Variants in C10orf67 observed in about 807,000 individuals in gnomAD.
C10orf67 encodes uncharacterized protein C10orf67, mitochondrial.
Under a neutral mutation model 35.6 loss-of-function variants are expected in C10orf67, and 60 were observed. That is an observed-to-expected ratio of 1.68 (90% confidence interval 1.37 to 2.09). The LOEUF (loss-of-function observed/expected upper bound fraction) is 2.09, where lower values mean the gene tolerates loss of function less well. C10orf67 is among the 30% of genes most tolerant of loss of function. The probability of loss-of-function intolerance (pLI) is 0.00; values close to 1 mark genes in which losing one functional copy is unlikely to be tolerated. For missense variants in C10orf67, 474 were observed against 330.2 expected (o/e 1.44, Z -3.38); for synonymous variants, 167 against 115.8 (o/e 1.44, Z -2.84).
At chr10:23,204,519 A>C (rs1300372991) in intron 15 of C10orf67, among the ~76,000 whole-genome samples, 1 of 152,208 alleles carries the variant, frequency 6.6e-6, no homozygotes, top group Non-Finnish European at 1.5e-5. Context: ...CGGCAGCCCC[A>C]GGCTGCAGGA....
At position 23,289,947 on chromosome 10, in the gene C10orf67, T is replaced by C. The variant is rs568576543; in HGVS notation, c.862A>G (p.Ile288Val). 4.2e-6 allele frequency: 3 copies of C among 717,042 alleles called. No individual in the cohort carries two copies. The highest frequency in any genetic ancestry group is 7.8e-6 in the Non-Finnish European group (3 of 384,962). The allele number at this position is 717,042 out of a possible 1,614,324, so 44.4% of individuals were successfully genotyped here. ...KENSGLEDEL[I>V]SMKEMAEKDH... ...TTTTCTGCCATCTCTTTCATACTTA[T>C]AAGTTCATCTTCTGTAAACAAAAGG... The change falls in exon 7 of 16, where the codon ATA becomes GTA. Residue 288 changes from isoleucine (I) to valine (V), a missense_variant. Coordinates refer to ENST00000636213, the MANE Select transcript of C10orf67 (RefSeq NM_001371909.1).
At chr10:23,293,955 C>T (rs1305466871) in intron 5 of C10orf67, among the ~76,000 whole-genome samples, 2 of 152,198 alleles carry the variant, frequency 1.3e-5, no homozygotes, top group Non-Finnish European at 2.9e-5. Flanking sequence ...CTGCATCTAA[C>T]GAGATCTGCA....
At chr10:23,303,778 A>G (rs193074652) in intron 4 of C10orf67, among the ~76,000 whole-genome samples, 1 of 152,360 alleles carries the variant, frequency 6.6e-6, no homozygotes, top group African/African-American at 2.4e-5. Context: ...ATGGAAGATT[A>G]GGAGAACGTC....
chr10:23,329,035 A>AAAG (rs1488212553), intron 2 of C10orf67, among the ~76,000 whole-genome samples: 205 of 151,010 alleles, frequency 1.4e-3, no homozygotes, highest in African/African-American at 4.9e-3. Flanking sequence ...AGAAAAAAAG[A>AAAG]AAAGAAAGAA....
rs201338332 is a variant in C10orf67 at position 23,295,989 on chromosome 10, T to C, written c.703-4710A>G. 5.9e-5 allele frequency among the ~76,000 whole-genome samples: 9 copies of C among 152,344 alleles called. No homozygotes were observed. In the East Asian group the frequency reaches 1.7e-3, roughly 29 times the overall value. ...CCAGTTTAAATACGATCCTTTAGAA[T>C]GGTTTGTGTTTGATTCATTATCTCT... On this transcript the variant is annotated intron_variant, in intron 5 of 15. Transcript: ENST00000636213.
At chr10:23,323,409 C>T (rs995474242) in intron 2 of C10orf67, among the ~76,000 whole-genome samples, 9 of 152,046 alleles carry the variant, frequency 5.9e-5, no homozygotes, top group African/African-American at 2.2e-4. Context: ...CAGGTGAGCC[C>T]AGGAGTTTGA....
At chr10:23,252,980 C>T (rs1842500069) in intron 10 of C10orf67, among the ~76,000 whole-genome samples, 1 of 152,026 alleles carries the variant, frequency 6.6e-6, no homozygotes, top group African/African-American at 2.4e-5. Context: ...GCGAATGGGT[C>T]TCACAAGATC....
chr10:23,284,934 A>T (rs967572215), intron 7 of C10orf67, among the ~76,000 whole-genome samples: 1 of 152,190 alleles, frequency 6.6e-6, no homozygotes, highest in Non-Finnish European at 1.5e-5. Context: ...ATAGGTATAT[A>T]CATGCATTTT....
chr10:23,289,890 G>C lies in C10orf67; in HGVS notation c.909+10C>G, dbSNP rs552404665. ...AAAGAGTCATTTATCAACGTAAAAC[G>C]TTATAGTACCTTTTGAATAGTTTTG... On this transcript the variant is annotated intron_variant, in intron 7 of 15. Coordinates refer to ENST00000636213, the MANE Select transcript of C10orf67 (RefSeq NM_001371909.1). The C allele has an allele frequency of 2.8e-6, 2 of 716,036 alleles. No homozygotes were observed. The highest frequency in any genetic ancestry group is 5.2e-6 in the Non-Finnish European group (2 of 384,422). 44.4% of individuals were successfully genotyped at this position (716,036 alleles called of 1,614,324 possible). A position where few individuals can be genotyped will look rare whatever the true frequency, so the allele number is the denominator to read the frequency against.
At chr10:23,215,975 C>G (rs1564456554) in intron 15 of C10orf67, among the ~76,000 whole-genome samples, 1 of 152,118 alleles carries the variant, frequency 6.6e-6, no homozygotes, top group East Asian at 1.9e-4. Flanking sequence ...ATAGCTATGA[C>G]AAACCTACAA....
intron 10 of C10orf67, among the ~76,000 whole-genome samples, chr10:23,255,037 A>T (rs1254671118): frequency 2.0e-5 from 3 of 152,180 alleles, no homozygotes; most frequent in Non-Finnish European, 4.4e-5. Context: ...AACATTTTTT[A>T]ACCTGCCATG....
intron 2 of C10orf67, among the ~76,000 whole-genome samples, chr10:23,332,762 T>TA (rs1845535800): frequency 1.3e-5 from 2 of 152,184 alleles, no homozygotes; most frequent in Non-Finnish European, 2.9e-5. Context: ...ATTCATTATA[T>TA]ATGCAAAGAT....
intron 10 of C10orf67, among the ~76,000 whole-genome samples, chr10:23,265,969 T>C (rs1842873241): frequency 6.6e-6 from 1 of 152,242 alleles, no homozygotes; most frequent in South Asian, 2.1e-4. Context: ...CTGCATATCC[T>C]AGAAAGTGCT....
intron 12 of C10orf67, among the ~76,000 whole-genome samples, chr10:23,240,213 C>A (rs1329151045): frequency 6.6e-6 from 1 of 152,092 alleles, no homozygotes; most frequent in Non-Finnish European, 1.5e-5. Context: ...AAACCACACA[C>A]ACACACACAA....
At chr10:23,233,334 T>G (rs1365005197) in intron 13 of C10orf67, among the ~76,000 whole-genome samples, 2 of 152,072 alleles carry the variant, frequency 1.3e-5, no homozygotes, top group Non-Finnish European at 2.9e-5. Context: ...ATGGGGAAGG[T>G]GGGCTAATTA....
At position 23,303,317 on chromosome 10, in the gene C10orf67, C is replaced by A; in HGVS notation, c.689G>T (p.Gly230Val). ...KEELDQYKDF[G>V]FHKMESFAKE... is the part of the protein sequence containing the mutation. The stretch of plus-strand genomic sequence containing the variant: ...CTTGAAACTTACCATTTTGTGAAAT[C>A]CAAAATCTTTATATTGGTCTAGTTC... Residue 230 changes from glycine to valine, a missense_variant, in exon 5 of 16, where the codon GGA (glycine) becomes GTA (valine). Physicochemically the swap from Gly to Val is moderately radical, Grantham distance 109. Transcript: ENST00000636213. The A allele has an allele frequency of 5.4e-6, 3 of 555,050 alleles. No homozygotes were observed. The South Asian group carries it at 8.4e-5, about 16-fold the overall frequency. 34.4% of individuals were successfully genotyped at this position (555,050 alleles called of 1,614,324 possible).
At chr10:23,322,773 C>T (rs1479432768) in intron 2 of C10orf67, among the ~76,000 whole-genome samples, 4 of 152,062 alleles carry the variant, frequency 2.6e-5, no homozygotes, top group African/African-American at 9.7e-5. Flanking sequence ...GTACAACAAA[C>T]TCCTGTGACA....
intron 12 of C10orf67, among the ~76,000 whole-genome samples, chr10:23,240,217 C>A (rs1024440972): frequency 6.6e-6 from 1 of 152,096 alleles, no homozygotes; most frequent in Non-Finnish European, 1.5e-5. Flanking sequence ...CACACACACA[C>A]ACACAAACCA....
chr10:23,311,064 T>C (rs1157246004), intron 4 of C10orf67, among the ~76,000 whole-genome samples: 1 of 152,154 alleles, frequency 6.6e-6, no homozygotes, highest in Non-Finnish European at 1.5e-5. Flanking sequence ...ACTTCTGGGC[T>C]GAAGCCATCC....
Sources: gnomAD v4.1 joint callset for allele counts (sites outside exome capture counted in the v4.1 genomes callset) on GRCh38, gnomAD v4.1.1 for gene constraint, MANE v1.5 for transcripts, NCBI Gene and HGNC (gene_info 2026-07-23, HGNC 2026-07-21) for gene names.